CCDC178: variants seen among roughly 807,000 people sequenced by gnomAD.
CCDC178 encodes the protein coiled-coil domain containing 178.
In CCDC178, 126 loss-of-function variants were observed where a neutral mutation model predicts 117.4. The observed-to-expected ratio is 1.07, with a 90% CI of 0.93 to 1.24. The LOEUF (loss-of-function observed/expected upper bound fraction) is 1.24. Among genes scored for constraint, CCDC178 ranks in the 50% most tolerant of loss-of-function variants. The pLI is 0.00. For synonymous variants in CCDC178, 283 were observed against 313.4 expected, an observed-to-expected ratio of 0.90 and a Z score of 1.02; for missense variants, 1,030 against 986.9, an observed-to-expected ratio of 1.04 and a Z score of -0.59.
Position 33,400,836 on chromosome 18 carries a change from G to A in CCDC178, c.59-3628C>T, listed in dbSNP as rs368354688. ...ACTTGGCTAACAGCTCAGCACAAGA[G>A]ACTATGTTTTCAGTCTATCTCAGCT... On this transcript the variant is annotated intron_variant, in intron 3 of 22. Coordinates refer to ENST00000383096, the MANE Select transcript of CCDC178 (RefSeq NM_001105528.4). Among the ~76,000 whole-genome samples, 8 of 152,276 alleles carry A rather than the reference G, an allele frequency of 5.3e-5. No homozygotes were observed. The East Asian group carries it at 1.2e-3, about 22-fold the overall frequency.
intron 21 of CCDC178, among the ~76,000 whole-genome samples, chr18:33,085,431 C>T (rs1408666407): frequency 2.6e-5 from 4 of 151,880 alleles, no homozygotes; most frequent in African/African-American, 7.3e-5. Flanking sequence ...GGTGTGGTGG[C>T]GGGCGCCTGT....
At chr18:32,944,602 G>T (rs1356912688) in intron 22 of CCDC178, among the ~76,000 whole-genome samples, 1 of 152,058 alleles carries the variant, frequency 6.6e-6, no homozygotes. Context: ...CAGCTCTTGC[G>T]TAGGCACCAT....
intron 9 of CCDC178, among the ~76,000 whole-genome samples, chr18:33,337,417 G>T (rs1246673663): frequency 3.3e-5 from 5 of 151,948 alleles, no homozygotes; most frequent in Non-Finnish European, 7.4e-5. Flanking sequence ...TTGTCTGATT[G>T]CTCTGGCTAG....
chr18:32,999,468 G>C (rs2055587990), intron 21 of CCDC178, among the ~76,000 whole-genome samples: 1 of 152,118 alleles, frequency 6.6e-6, no homozygotes, highest in Non-Finnish European at 1.5e-5. Context: ...GCTGATTCTA[G>C]AGCCCTATGG....
At chr18:33,284,147 C>A (rs972901991) in intron 12 of CCDC178, among the ~76,000 whole-genome samples, 20 of 150,362 alleles carry the variant, frequency 1.3e-4, no homozygotes, top group East Asian at 1.2e-3. Context: ...TGCAAACTAA[C>A]ACAGGAACAG....
intron 2 of CCDC178, among the ~76,000 whole-genome samples, chr18:33,417,449 T>A (rs1373125956): frequency 1.3e-5 from 2 of 151,844 alleles, no homozygotes; most frequent in Non-Finnish European, 2.9e-5. Flanking sequence ...AGGAGTAATA[T>A]CAAGGAATGC....
intron 2 of CCDC178, among the ~76,000 whole-genome samples, chr18:33,418,593 G>A (rs1023250473): frequency 3.3e-5 from 5 of 150,848 alleles, no homozygotes; most frequent in South Asian, 2.1e-4. Context: ...AAAAAAAACC[G>A]ATAGTCTCTG....
Position 33,314,200 on chromosome 18 carries a change from C to CAAAAAAAAA in CCDC178, c.1022+9282_1022+9290dup, listed in dbSNP as rs869127341. Reference sequence around the variant, plus strand: ...TGGGTGACAGAGCGAGACTCCGTCTCAAAAAAAAAAAAAAAAAAAAAAAAA... The same window carrying CAAAAAAAAA: ...TGGGTGACAGAGCGAGACTCCGTCTCAAAAAAAAAAAAAAAAAAAAAAAAAAAAAAAAAA... On this transcript the variant is annotated intron_variant, in intron 11 of 22. Coordinates refer to ENST00000383096, the MANE Select transcript of CCDC178 (RefSeq NM_001105528.4). 7.4e-4 allele frequency among the ~76,000 whole-genome samples: 46 copies of CAAAAAAAAA among 62,438 alleles called. 2 individuals carry two copies. The highest frequency in any genetic ancestry group is 8.9e-4 in the East Asian group (2 of 2,252). 41.0% of individuals were successfully genotyped at this position (62,438 alleles called of 152,430 possible). A position where few individuals can be genotyped will look rare whatever the true frequency, so the allele number is the denominator to read the frequency against.
At chr18:33,053,933 T>C (rs2056786263) in intron 21 of CCDC178, among the ~76,000 whole-genome samples, 2 of 152,192 alleles carry the variant, frequency 1.3e-5, no homozygotes, top group African/African-American at 2.4e-5. Context: ...ATCCTTATAA[T>C]GTAATGGTAA....
chr18:33,226,554 G>T lies in CCDC178; in HGVS notation c.1656+239C>A, dbSNP rs147878835. Among the ~76,000 whole-genome samples, 1,163 of 152,272 alleles carry T rather than the reference G, an allele frequency of 7.6e-3. 21 individuals are homozygous for T. Among genetic ancestry groups the T allele is most frequent in the African/African-American group, 0.026 (1,086 of 41,566 alleles). ...ATAAGATCCCACTGCTCTTTTACTA[G>T]ACTGGCAGAAATTCCCATTATGCCA... On this transcript the variant is annotated intron_variant, in intron 16 of 22. Transcript: ENST00000383096.
At position 33,091,518 on chromosome 18, in the gene CCDC178, G is replaced by C. The variant is rs189550060; in HGVS notation, c.2388+1243C>G. 2.0e-5 allele frequency among the ~76,000 whole-genome samples: 3 copies of C among 151,470 alleles called. No individual in the cohort carries two copies. In the East Asian group the frequency reaches 5.9e-4, roughly 30 times the overall value. On this transcript the variant is annotated intron_variant, in intron 21 of 22. Coordinates refer to ENST00000383096, the MANE Select transcript of CCDC178 (RefSeq NM_001105528.4). ...CATTCGGCTAATTTTTGTATTTTTA[G>C]TGGAGGCAGGGTTTCACCATGTTGG...
rs371144031 is a variant in CCDC178, at chr18:33,269,014, CAG to C, written c.1177-1719_1177-1718del. On this transcript the variant is annotated intron_variant, in intron 12 of 22. Coordinates refer to ENST00000383096, the MANE Select transcript of CCDC178 (RefSeq NM_001105528.4). Reference sequence around the variant, plus strand: ...TCAAAAGCAGCCTTCTGGCAGCCACCAGAGAGAGTAGAATCAGGCTAGAATGC... The same window carrying C: ...TCAAAAGCAGCCTTCTGGCAGCCACCAGAGAGTAGAATCAGGCTAGAATGC... Among the ~76,000 whole-genome samples the C allele has an allele frequency of 1.7e-4, 26 of 151,862 alleles. No homozygotes were observed. The East Asian group carries it at 3.3e-3, about 19-fold the overall frequency.
chr18:32,974,490 C>A, intron 22 of CCDC178, 57 bp downstream of exon 22: 1 of 1,532,218 alleles, frequency 6.5e-7, no homozygotes, highest in East Asian at 2.3e-5. Context: ...CACTACCCAT[C>A]ATTTGCTTTT....
chr18:33,217,742 C>T (rs2144608429), intron 18 of CCDC178, among the ~76,000 whole-genome samples: 1 of 151,530 alleles, frequency 6.6e-6, no homozygotes, highest in East Asian at 1.9e-4. Context: ...TTCTTTTTGC[C>T]CTGTATTTTT....
intron 21 of CCDC178, among the ~76,000 whole-genome samples, chr18:33,033,032 C>A (rs1376191301): frequency 6.6e-6 from 1 of 152,064 alleles, no homozygotes; most frequent in Non-Finnish European, 1.5e-5. Flanking sequence ...CCCTGTTACT[C>A]TTCACATACG....
In CCDC178 at chr18:33,299,905, A is replaced by G. The variant is rs138734749; in HGVS notation, c.1023-6593T>C. Among the ~76,000 whole-genome samples the G allele has an allele frequency of 1.2e-3, 185 of 152,326 alleles. 1 individual carries two copies. The highest frequency in any genetic ancestry group is 4.1e-3 in the African/African-American group (170 of 41,578). On this transcript the variant is annotated intron_variant, in intron 11 of 22. Coordinates refer to ENST00000383096, the MANE Select transcript of CCDC178 (RefSeq NM_001105528.4). ...CAACAATGAGGTATCATATCAGCCA[A>G]TTAGGATGGATATTATCAAAAGACA...
At chr18:33,303,196 G>A (rs1303485455) in intron 11 of CCDC178, among the ~76,000 whole-genome samples, 3 of 152,074 alleles carry the variant, frequency 2.0e-5, no homozygotes, top group Non-Finnish European at 2.9e-5. Flanking sequence ...GAAAGACAAG[G>A]AGAAATGTAA....
At chr18:33,055,298 C>A (rs1567959650) in intron 21 of CCDC178, among the ~76,000 whole-genome samples, 1 of 151,852 alleles carries the variant, frequency 6.6e-6, no homozygotes, top group Admixed American at 6.6e-5. Flanking sequence ...GCATATTTTT[C>A]ATGTGAAAAA....
At chr18:32,948,758 G>C (rs970401448) in intron 22 of CCDC178, among the ~76,000 whole-genome samples, 12 of 151,886 alleles carry the variant, frequency 7.9e-5, no homozygotes, top group African/African-American at 2.9e-4. Flanking sequence ...GTCATTTGTT[G>C]CATAACCAGT....
Sources: gnomAD v4.1 joint callset for allele counts (sites outside exome capture counted in the v4.1 genomes callset) on GRCh38, gnomAD v4.1.1 for gene constraint, MANE v1.5 for transcripts, NCBI Gene and HGNC (gene_info 2026-07-23, HGNC 2026-07-21) for gene names.